Variants in CFAP299 observed in about 807,000 individuals in gnomAD.
CFAP299 encodes cilia- and flagella-associated protein 299.
In CFAP299, 21 loss-of-function variants were observed where a neutral mutation model predicts 27.0. The observed-to-expected ratio is 0.78, with a 90% CI of 0.55 to 1.12. The LOEUF is 1.12. CFAP299 is among the 50% of genes most tolerant of loss of function. The pLI is 0.00. For synonymous variants in CFAP299, 104 were observed against 98.1 expected (o/e 1.06, Z -0.36); for missense variants, 310 against 276.6 (o/e 1.12, Z -0.86).
chr4:80,798,429 C>T (rs1377113404), intron 3 of CFAP299, among the ~76,000 whole-genome samples: 1 of 152,096 alleles, frequency 6.6e-6, no homozygotes, highest in Non-Finnish European at 1.5e-5. Context: ...AAACTCAGTG[C>T]CCCGAGATTC....
chr4:80,366,500 A>C (rs184588953), intron 2 of CFAP299, among the ~76,000 whole-genome samples: 1 of 152,356 alleles, frequency 6.6e-6, no homozygotes, highest in East Asian at 1.9e-4. Flanking sequence ...TCTTTCACAA[A>C]TTAGACAACC....
At chr4:80,374,766 A>G (rs1204250465) in intron 2 of CFAP299, among the ~76,000 whole-genome samples, 2 of 152,142 alleles carry the variant, frequency 1.3e-5, no homozygotes, top group East Asian at 1.9e-4. Flanking sequence ...TTTATAAGCT[A>G]GCTAATAGAC....
In CFAP299 at chr4:80,373,137, C is replaced by T. The variant is rs370382886; in HGVS notation, c.242+10253C>T. Among the ~76,000 whole-genome samples the T allele has an allele frequency of 7.2e-5, 11 of 152,104 alleles. No individual in the cohort carries two copies. The East Asian group carries it at 1.2e-3, about 16-fold the overall frequency. Reference sequence around the variant, plus strand: ...GGCTGCATAGACACAGTGGACCTAACCCTTGCATAGACACAGTGGACCTAA... The same window carrying T: ...GGCTGCATAGACACAGTGGACCTAATCCTTGCATAGACACAGTGGACCTAA... On this transcript the variant is annotated intron_variant, in intron 2 of 5. Coordinates refer to ENST00000358105, the MANE Select transcript of CFAP299 (RefSeq NM_152770.3).
At chr4:80,577,397 A>ATTT (rs34922224) in intron 2 of CFAP299, among the ~76,000 whole-genome samples, 10,365 of 98,736 alleles carry the variant, frequency 0.1, 1,260 homozygotes, top group African/African-American at 0.15. Flanking sequence ...ATTAGAAAAC[A>ATTT]TTTTTTTTTT....
At chr4:80,397,805 G>C (rs932853687) in intron 2 of CFAP299, among the ~76,000 whole-genome samples, 1 of 152,022 alleles carries the variant, frequency 6.6e-6, no homozygotes, top group South Asian at 2.1e-4. Flanking sequence ...CTCACCACTC[G>C]TATTCAACAT....
intron 3 of CFAP299, among the ~76,000 whole-genome samples, chr4:80,782,345 A>G (rs1313492678): frequency 6.6e-6 from 1 of 151,892 alleles, no homozygotes; most frequent in African/African-American, 2.4e-5. Flanking sequence ...TGAATTTAGC[A>G]GTTTGTGAAA....
At position 80,934,980 on chromosome 4, in the gene CFAP299, A is replaced by AT. The variant is rs538947766; in HGVS notation, c.477-9823dup. 4.9e-3 allele frequency among the ~76,000 whole-genome samples: 744 copies of AT among 150,850 alleles called. 2 individuals carry two copies. Among genetic ancestry groups the AT allele is most frequent in the Non-Finnish European group, 8.1e-3 (550 of 67,580 alleles). ...TATAAATTTAGATTATTTATTTGAG[A>AT]TTTTTTTCTGAATATAGGTACTTAT... On this transcript the variant is annotated intron_variant, in intron 4 of 5. Coordinates refer to ENST00000358105, the MANE Select transcript of CFAP299 (RefSeq NM_152770.3).
At chr4:80,788,168 A>G (rs1019993920) in intron 3 of CFAP299, among the ~76,000 whole-genome samples, 4 of 152,068 alleles carry the variant, frequency 2.6e-5, no homozygotes, top group Non-Finnish European at 4.4e-5. Flanking sequence ...AAATGTAGAA[A>G]ATAGGACTAT....
chr4:80,642,841 T>C lies in CFAP299; in HGVS notation c.333+59658T>C, dbSNP rs568620251. Among the ~76,000 whole-genome samples the C allele has an allele frequency of 5.6e-4, 85 of 152,232 alleles. 1 individual carries two copies. The highest frequency in any genetic ancestry group is 1.9e-3 in the African/African-American group (78 of 41,548). Reference sequence around the variant, plus strand: ...TGGTCTCCTACATGCCAGACCCTACTCTAAATGCTGGGGTATTCAGCAGTT... The same window carrying C: ...TGGTCTCCTACATGCCAGACCCTACCCTAAATGCTGGGGTATTCAGCAGTT... On this transcript the variant is annotated intron_variant, in intron 3 of 5. Coordinates refer to ENST00000358105, the MANE Select transcript of CFAP299 (RefSeq NM_152770.3).
At chr4:80,512,476 T>C (rs1215685916) in intron 2 of CFAP299, among the ~76,000 whole-genome samples, 1 of 152,104 alleles carries the variant, frequency 6.6e-6, no homozygotes, top group South Asian at 2.1e-4. Flanking sequence ...TAAGGACTTA[T>C]ATTTTGGATT....
At chr4:80,386,503 G>A in intron 2 of CFAP299, 2 of 1,447,070 alleles carry the variant, frequency 1.4e-6, no homozygotes, top group Admixed American at 2.3e-5. Context: ...CTCTTCTCGC[G>A]GGCGGTGGTG....
At chr4:80,424,264 G>GT (rs1178004653) in intron 2 of CFAP299, among the ~76,000 whole-genome samples, 1 of 152,198 alleles carries the variant, frequency 6.6e-6, no homozygotes, top group Non-Finnish European at 1.5e-5. Flanking sequence ...GGAAGGCAAG[G>GT]TTGCAGTTTC....
chr4:80,511,661 C>T (rs1263475706), intron 2 of CFAP299, among the ~76,000 whole-genome samples: 4 of 152,018 alleles, frequency 2.6e-5, no homozygotes, highest in South Asian at 4.1e-4. Context: ...TGCTTCTTTT[C>T]CTTGAATGTT....
At chr4:80,577,254 A>G (rs1372710327) in intron 2 of CFAP299, among the ~76,000 whole-genome samples, 8 of 152,192 alleles carry the variant, frequency 5.3e-5, no homozygotes, top group Non-Finnish European at 1.0e-4. Flanking sequence ...AGTTTATTTG[A>G]AAATAATTAA....
intron 4 of CFAP299, among the ~76,000 whole-genome samples, chr4:80,880,787 A>C (rs1385298791): frequency 2.0e-5 from 3 of 152,048 alleles, no homozygotes; most frequent in Non-Finnish European, 4.4e-5. Flanking sequence ...AAAAAGATGA[A>C]ATTTTACTTT....
chr4:80,718,731 T>C (rs1722634173), intron 3 of CFAP299, among the ~76,000 whole-genome samples: 1 of 151,826 alleles, frequency 6.6e-6, no homozygotes, highest in Admixed American at 6.6e-5. Flanking sequence ...CACCTGTAAA[T>C]TAAAAATTTA....
chr4:80,646,943 G>C (rs1361890820), intron 3 of CFAP299, among the ~76,000 whole-genome samples: 2 of 151,858 alleles, frequency 1.3e-5, no homozygotes, highest in African/African-American at 4.8e-5. Flanking sequence ...TTGAAACTAG[G>C]TTTGGACTAG....
At chr4:80,835,324 T>C (rs972488666) in intron 3 of CFAP299, among the ~76,000 whole-genome samples, 2 of 152,088 alleles carry the variant, frequency 1.3e-5, no homozygotes, top group Non-Finnish European at 2.9e-5. Context: ...GGTCTTGATC[T>C]CCTGACCTCC....
intron 3 of CFAP299, among the ~76,000 whole-genome samples, chr4:80,846,764 T>G (rs745724588): frequency 8.5e-5 from 13 of 152,150 alleles, no homozygotes; most frequent in Non-Finnish European, 1.8e-4. Flanking sequence ...AACCCATTGG[T>G]ATGACCACAT....
Sources: gnomAD v4.1 joint callset for allele counts (sites outside exome capture counted in the v4.1 genomes callset) on GRCh38, gnomAD v4.1.1 for gene constraint, MANE v1.5 for transcripts, NCBI Gene and HGNC (gene_info 2026-07-23, HGNC 2026-07-21) for gene names.